Variants in CCSER1 observed in about 807,000 individuals in gnomAD.
The protein encoded by CCSER1 is coiled-coil serine rich protein 1, also known as serine-rich coiled-coil domain-containing protein 1.
CCSER1 carries 41 observed loss-of-function variants against 82.0 expected under a neutral mutation model. The ratio of observed to expected loss-of-function variants is 0.50; its 90% CI spans 0.39 to 0.65. CCSER1 has a LOEUF of 0.65. Ranked by LOEUF, CCSER1 falls within the 30% of genes least tolerant of loss-of-function variation. The probability of loss-of-function intolerance (pLI) is 0.00; values close to 1 mark genes in which losing one functional copy is unlikely to be tolerated. For synonymous variants in CCSER1, 414 were observed against 383.9 expected, an observed-to-expected ratio of 1.08 and a Z score of -0.92; for missense variants, 1,119 against 1,064.2, an observed-to-expected ratio of 1.05 and a Z score of -0.72.
intron 7 of CCSER1, among the ~76,000 whole-genome samples, chr4:90,806,651 G>A (rs1286170387): frequency 6.6e-6 from 1 of 152,048 alleles, no homozygotes; most frequent in African/African-American, 2.4e-5. Flanking sequence ...CTCATCACTG[G>A]GTGATCTGAA....
chr4:90,548,288 A>G (rs1444397765), intron 5 of CCSER1, among the ~76,000 whole-genome samples: 1 of 152,148 alleles, frequency 6.6e-6, no homozygotes, highest in Non-Finnish European at 1.5e-5. Context: ...TTCAGGCTTC[A>G]ACAGTACATC....
chr4:90,826,792 A>G (rs368622944), intron 8 of CCSER1, among the ~76,000 whole-genome samples: 4 of 152,334 alleles, frequency 2.6e-5, no homozygotes, highest in South Asian at 4.1e-4. Context: ...AGGATAACAC[A>G]GTTCACTTTT....
intron 6 of CCSER1, among the ~76,000 whole-genome samples, chr4:90,656,543 T>C (rs1339986293): frequency 6.6e-6 from 1 of 151,922 alleles, no homozygotes; most frequent in Admixed American, 6.6e-5. Flanking sequence ...CATTTGCTCA[T>C]TTTTATATGT....
chr4:90,938,096 T>C (rs535370471), intron 9 of CCSER1, among the ~76,000 whole-genome samples: 1 of 152,248 alleles, frequency 6.6e-6, no homozygotes, highest in East Asian at 1.9e-4. Flanking sequence ...AGTCTCTTTT[T>C]GTAAAAAGGG....
chr4:91,315,230 C>A (rs556810199), intron 10 of CCSER1, among the ~76,000 whole-genome samples: 29 of 151,610 alleles, frequency 1.9e-4, no homozygotes, highest in Non-Finnish European at 3.8e-4. Flanking sequence ...AAAGAGTAAT[C>A]TTTTATGGCT....
At chr4:91,440,647 C>CA (rs1251431117) in intron 10 of CCSER1, among the ~76,000 whole-genome samples, 50 of 151,914 alleles carry the variant, frequency 3.3e-4, no homozygotes, top group Non-Finnish European at 6.8e-4. Context: ...AATAGAGACA[C>CA]AAAAAACCCT....
At chr4:91,127,402 A>C (rs1727613016) in intron 10 of CCSER1, among the ~76,000 whole-genome samples, 1 of 152,038 alleles carries the variant, frequency 6.6e-6, no homozygotes, top group South Asian at 2.1e-4. Flanking sequence ...CTCGTTTGTC[A>C]TTCTGCTGCA....
chr4:90,910,785 T>G (rs1726211668), intron 8 of CCSER1, among the ~76,000 whole-genome samples: 1 of 152,196 alleles, frequency 6.6e-6, no homozygotes, highest in African/African-American at 2.4e-5. Flanking sequence ...TTCCTATCCC[T>G]TTGTCCTTTT....
At chr4:90,815,706 C>G in intron 7 of CCSER1, 56 bp from the exon 8 acceptor site, 5 of 1,281,172 alleles carry the variant, frequency 3.9e-6, no homozygotes, top group Non-Finnish European at 5.4e-6. Flanking sequence ...CTTTCCTTAT[C>G]AAGAGCAAAG....
intron 3 of CCSER1, among the ~76,000 whole-genome samples, chr4:90,350,584 C>T (rs540233605): frequency 7.0e-4 from 107 of 152,070 alleles, no homozygotes; most frequent in African/African-American, 2.0e-3. Context: ...ATTAATATGG[C>T]ACTATATAAT....
At chr4:90,494,902 G>A (rs368717712) in intron 5 of CCSER1, among the ~76,000 whole-genome samples, 44 of 151,410 alleles carry the variant, frequency 2.9e-4, no homozygotes, top group African/African-American at 8.7e-4. Flanking sequence ...TCAGCTCCTC[G>A]TACAGCTTTG....
At chr4:90,542,985 C>T (rs1287872989) in intron 5 of CCSER1, among the ~76,000 whole-genome samples, 1 of 152,004 alleles carries the variant, frequency 6.6e-6, no homozygotes, top group Non-Finnish European at 1.5e-5. Flanking sequence ...AATTCAAAAT[C>T]CTTATTTTTT....
chr4:90,775,757 C>T (rs1396807414), intron 7 of CCSER1, among the ~76,000 whole-genome samples: 1 of 152,096 alleles, frequency 6.6e-6, no homozygotes, highest in Non-Finnish European at 1.5e-5. Flanking sequence ...ATTTCATATT[C>T]TTTGTGGAGT....
chr4:90,687,949 C>G (rs1346761258), intron 6 of CCSER1, among the ~76,000 whole-genome samples: 3 of 152,222 alleles, frequency 2.0e-5, no homozygotes, highest in Admixed American at 2.0e-4. Context: ...TGTCCTCATC[C>G]CAGTCACCTT....
At chr4:90,492,957 A>G (rs1315299521) in intron 5 of CCSER1, among the ~76,000 whole-genome samples, 2 of 152,198 alleles carry the variant, frequency 1.3e-5, no homozygotes, top group African/African-American at 4.8e-5. Flanking sequence ...CAGAAGATCA[A>G]ACTTCTCCGA....
chr4:90,389,627 AAGAACTG>A (rs1750642214), intron 3 of CCSER1, among the ~76,000 whole-genome samples: 1 of 152,196 alleles, frequency 6.6e-6, no homozygotes, highest in African/African-American at 2.4e-5. Context: ...CTGAAACCTC[AAGAACTG>A]ATCAGATGGA....
intron 9 of CCSER1, among the ~76,000 whole-genome samples, chr4:90,930,544 C>T (rs1178405195): frequency 6.6e-5 from 10 of 151,438 alleles, no homozygotes; most frequent in Admixed American, 4.6e-4. Context: ...ACCAGGGAGG[C>T]GTAGCTTGCA....
chr4:90,311,299 C>A (rs1293771335), intron 2 of CCSER1, among the ~76,000 whole-genome samples: 1 of 152,062 alleles, frequency 6.6e-6, no homozygotes, highest in South Asian at 2.1e-4. Context: ...TCCTCAAAGC[C>A]TAATTGAATA....
chr4:91,482,195 G>A lies in CCSER1; in HGVS notation c.2218-116377G>A, dbSNP rs576712736. 3.3e-3 allele frequency among the ~76,000 whole-genome samples: 490 copies of A among 149,450 alleles called. 2 individuals are homozygous for A. The highest frequency in any genetic ancestry group is 0.011 in the African/African-American group (458 of 40,396). On this transcript the variant is annotated intron_variant, in intron 10 of 10. Coordinates refer to ENST00000509176, the MANE Select transcript of CCSER1 (RefSeq NM_001145065.2). Reference sequence around the variant, plus strand: ...AGGCGGGTGGATCATGAGGTCAGGAGATCGAGACCATCCTGGCTAACAAGG... The same window carrying A: ...AGGCGGGTGGATCATGAGGTCAGGAAATCGAGACCATCCTGGCTAACAAGG...
Sources: gnomAD v4.1 joint callset for allele counts (sites outside exome capture counted in the v4.1 genomes callset) on GRCh38, gnomAD v4.1.1 for gene constraint, MANE v1.5 for transcripts, NCBI Gene and HGNC (gene_info 2026-07-23, HGNC 2026-07-21) for gene names.